LRRTM4: variants seen among roughly 807,000 people sequenced by gnomAD.
LRRTM4 encodes the protein leucine-rich repeat transmembrane neuronal protein 4.
Under a neutral mutation model 47.6 loss-of-function variants are expected in LRRTM4, and 25 were observed. That is an observed-to-expected ratio of 0.53 (90% CI 0.38 to 0.73). The LOEUF is 0.73. LRRTM4 is among the 30% of genes least tolerant of loss of function. The pLI, the probability that LRRTM4 is intolerant of heterozygous loss-of-function variation, is 0.00. For synonymous variants in LRRTM4, 311 were observed against 269.5 expected (o/e 1.15, Z -1.51); for missense variants, 638 against 713.4 (o/e 0.89, Z 1.20).
rs141002869 is a variant in LRRTM4, at chr2:76,847,506, A to T, written c.1552-98590T>A. On this transcript the variant is annotated intron_variant, in intron 3 of 3. Coordinates refer to ENST00000409884, the MANE Select transcript of LRRTM4 (RefSeq NM_001134745.3). ...TTCTCCTATTAGTTTACTAAAATTAATTTCAGTCTCAATCAAAGACGTATG... is the reference window on the plus strand; with the variant it reads ...TTCTCCTATTAGTTTACTAAAATTATTTTCAGTCTCAATCAAAGACGTATG... Among the ~76,000 whole-genome samples the T allele has an allele frequency of 6.9e-3, 1,047 of 152,056 alleles. 7 individuals are homozygous for T. The highest frequency in any genetic ancestry group is 0.022 in the African/African-American group (929 of 41,524).
At chr2:76,960,795 C>G (rs954210216) in intron 3 of LRRTM4, among the ~76,000 whole-genome samples, 1 of 151,504 alleles carries the variant, frequency 6.6e-6, no homozygotes, top group African/African-American at 2.4e-5. Flanking sequence ...GCTTAAATAT[C>G]TGGACTTAAA....
intron 3 of LRRTM4, among the ~76,000 whole-genome samples, chr2:77,057,403 C>T (rs1457483075): frequency 6.6e-6 from 1 of 152,110 alleles, no homozygotes; most frequent in Non-Finnish European, 1.5e-5. Flanking sequence ...AAACCTGGAA[C>T]AAGCTAAACT....
intron 2 of LRRTM4, among the ~76,000 whole-genome samples, 188 bp downstream of exon 2, chr2:77,521,478 TAA>T (rs113233659): frequency 8.7e-5 from 13 of 148,994 alleles, no homozygotes; most frequent in Admixed American, 7.4e-4. Flanking sequence ...ATTTATAGAT[TAA>T]AAAAAAAACA....
rs13389533 is a variant in LRRTM4, at chr2:76,983,216, G to C, written c.1552-234300C>G. 7.7e-3 allele frequency among the ~76,000 whole-genome samples: 1,169 copies of C among 152,124 alleles called. 12 individuals carry two copies. The highest frequency in any genetic ancestry group is 0.027 in the African/African-American group (1,113 of 41,542). On this transcript the variant is annotated intron_variant, in intron 3 of 3. Coordinates refer to ENST00000409884, the MANE Select transcript of LRRTM4 (RefSeq NM_001134745.3). ...CCTAAATATTCAAGGTAATGGTATG[G>C]TTAGAATGAGGCAGAAAGGTCAAAA...
intron 3 of LRRTM4, among the ~76,000 whole-genome samples, chr2:76,951,375 A>C (rs957015611): frequency 1.3e-5 from 2 of 152,012 alleles, no homozygotes; most frequent in African/African-American, 2.4e-5. Flanking sequence ...TCTATAAAAA[A>C]ACAATTTATT....
At chr2:76,978,610 C>G (rs1362792838) in intron 3 of LRRTM4, among the ~76,000 whole-genome samples, 1 of 151,968 alleles carries the variant, frequency 6.6e-6, no homozygotes, top group Non-Finnish European at 1.5e-5. Context: ...TTCATTCTGT[C>G]ATTTATTCAA....
At chr2:77,073,908 A>T (rs1293500606) in intron 3 of LRRTM4, among the ~76,000 whole-genome samples, 1 of 151,980 alleles carries the variant, frequency 6.6e-6, no homozygotes, top group East Asian at 1.9e-4. Context: ...TCTTTTCTTC[A>T]GCTGAGGGCA....
chr2:77,199,489 C>A (rs1178594525), intron 3 of LRRTM4, among the ~76,000 whole-genome samples: 1 of 151,928 alleles, frequency 6.6e-6, no homozygotes, highest in Non-Finnish European at 1.5e-5. Context: ...TTGGATTTGT[C>A]ATTTTTCTCT....
At position 76,888,704 on chromosome 2, in the gene LRRTM4, G is replaced by A. The variant is rs1018397313; in HGVS notation, c.1552-139788C>T. ...GATTTTAGTTTGGACCACTGCTTTC[G>A]TTGCCTTTTTTGTTTTTCTTTTAGT... On this transcript the variant is annotated intron_variant, in intron 3 of 3. Transcript: ENST00000409884. Among the ~76,000 whole-genome samples, 11 of 151,164 alleles carry A rather than the reference G, an allele frequency of 7.3e-5. No homozygotes were observed. The East Asian group carries it at 9.7e-4, about 13-fold the overall frequency.
rs115586966 is a variant in LRRTM4, at chr2:77,319,952, A to G, written c.1551+198366T>C. Among the ~76,000 whole-genome samples, 208 of 152,326 alleles carry G rather than the reference A, an allele frequency of 1.4e-3. 2 individuals are homozygous for G. The highest frequency in any genetic ancestry group is 4.4e-3 in the African/African-American group (181 of 41,582). ...TCCCTTCTAGCGTTGTTCACTTAGA[A>G]GTTAAACTACTTTTTTATTAACTTT... On this transcript the variant is annotated intron_variant, in intron 3 of 3. Transcript: ENST00000409884.
intron 3 of LRRTM4, among the ~76,000 whole-genome samples, chr2:77,106,805 T>G (rs1671104751): frequency 6.6e-6 from 1 of 151,878 alleles, no homozygotes; most frequent in Non-Finnish European, 1.5e-5. Flanking sequence ...ATAATAATAA[T>G]GAGGGTAAGT....
intron 3 of LRRTM4, among the ~76,000 whole-genome samples, chr2:77,502,454 T>C (rs1248203790): frequency 6.6e-6 from 1 of 151,586 alleles, no homozygotes; most frequent in East Asian, 1.9e-4. Flanking sequence ...TTTAGTGATA[T>C]AAATTTATCA....
At chr2:77,023,761 G>A (rs1174478598) in intron 3 of LRRTM4, among the ~76,000 whole-genome samples, 1 of 152,160 alleles carries the variant, frequency 6.6e-6, no homozygotes, top group Non-Finnish European at 1.5e-5. Context: ...AGGCTCTAGG[G>A]AGTTGCAAAC....
rs147080662 is a variant in LRRTM4 at position 77,103,217 on chromosome 2, C to G, written c.1552-354301G>C. On this transcript the variant is annotated intron_variant, in intron 3 of 3. Coordinates refer to ENST00000409884, the MANE Select transcript of LRRTM4 (RefSeq NM_001134745.3). ...AGGCACTGCCATAAGAAGCTGCTAA[C>G]AAGGGAGGCTATGACATTTGAAGAA... Among the ~76,000 whole-genome samples the G allele has an allele frequency of 5.8e-4, 89 of 152,176 alleles. 1 individual carries two copies. Among genetic ancestry groups the G allele is most frequent in the African/African-American group, 2.0e-3 (83 of 41,524 alleles).
chr2:76,793,791 G>A (rs1277991645), intron 3 of LRRTM4, among the ~76,000 whole-genome samples: 1 of 152,124 alleles, frequency 6.6e-6, no homozygotes. Context: ...GAGGCAAAGT[G>A]CTGATTTCAG....
chr2:77,163,660 T>A (rs1369243619), intron 3 of LRRTM4, among the ~76,000 whole-genome samples: 1 of 152,202 alleles, frequency 6.6e-6, no homozygotes, highest in Non-Finnish European at 1.5e-5. Context: ...ATATTCAACA[T>A]TCTTAAAGAA....
At position 77,411,058 on chromosome 2, in the gene LRRTM4, T is replaced by A. The variant is rs531890531; in HGVS notation, c.1551+107260A>T. On this transcript the variant is annotated intron_variant, in intron 3 of 3. Transcript: ENST00000409884. ...ATCCTGAGCATTAGAAACACAGGCA[T>A]AATCTGTTAGCATTATAAAATGCTA... 2.6e-5 allele frequency among the ~76,000 whole-genome samples: 4 copies of A among 152,306 alleles called. No homozygotes were observed. In the South Asian group the frequency reaches 8.3e-4, roughly 32 times the overall value.
intron 3 of LRRTM4, among the ~76,000 whole-genome samples, chr2:77,135,879 T>C (rs967259941): frequency 1.3e-5 from 2 of 152,180 alleles, no homozygotes; most frequent in African/African-American, 4.8e-5. Flanking sequence ...AAATAAATTT[T>C]TACATTTTTT....
At position 76,853,962 on chromosome 2, in the gene LRRTM4, CA is replaced by C. The variant is rs1162407374; in HGVS notation, c.1552-105047del. ...AAATTCATATGCCTCTGCCACTTCT[CA>C]AAATTTCAGTTGCTCATTTTTCTGT... On this transcript the variant is annotated intron_variant, in intron 3 of 3. Coordinates refer to ENST00000409884, the MANE Select transcript of LRRTM4 (RefSeq NM_001134745.3). 2.6e-5 allele frequency among the ~76,000 whole-genome samples: 4 copies of C among 152,256 alleles called. No homozygotes were observed. In the East Asian group the frequency reaches 7.7e-4, roughly 29 times the overall value.
Sources: gnomAD v4.1 joint callset for allele counts (sites outside exome capture counted in the v4.1 genomes callset) on GRCh38, gnomAD v4.1.1 for gene constraint, MANE v1.5 for transcripts, NCBI Gene and HGNC (gene_info 2026-07-23, HGNC 2026-07-21) for gene names.